SUGCT: variants seen among roughly 807,000 people sequenced by gnomAD.
The protein encoded by SUGCT is succinyl-CoA:glutarate CoA-transferase.
Under a neutral mutation model 55.0 loss-of-function variants are expected in SUGCT, and 41 were observed. The observed-to-expected ratio is 0.74, with a 90% CI of 0.58 to 0.97. The LOEUF is 0.97. Ranked by LOEUF, SUGCT falls within the 50% of genes least tolerant of loss-of-function variation. The pLI is 0.00. For missense variants in SUGCT, 568 were observed against 547.8 expected (o/e 1.04, Z -0.37); for synonymous variants, 187 against 200.4 (o/e 0.93, Z 0.56).
chr7:40,319,508 G>T (rs1002279763), intron 9 of SUGCT, among the ~76,000 whole-genome samples: 6 of 152,086 alleles, frequency 3.9e-5, no homozygotes, highest in African/African-American at 1.4e-4. Flanking sequence ...AGACTCTGAT[G>T]GTCACAGGAG....
chr7:41,017,572 C>T, the SUGCT span, among the ~76,000 whole-genome samples: 2 of 152,142 alleles, frequency 1.3e-5, no homozygotes, highest in Non-Finnish European at 2.9e-5. Context: ...AGATCGAGAC[C>T]ATCCTGGCTA....
At chr7:40,222,578 C>T (rs1052804148) in intron 6 of SUGCT, among the ~76,000 whole-genome samples, 2 of 152,096 alleles carry the variant, frequency 1.3e-5, no homozygotes, top group South Asian at 2.1e-4. Flanking sequence ...ATAGACTGGG[C>T]GCGGTGTAAT....
chr7:40,742,589 G>GC, intron 12 of SUGCT, among the ~76,000 whole-genome samples: 1 of 152,212 alleles, frequency 6.6e-6, no homozygotes, highest in South Asian at 2.1e-4. Context: ...CTTGCCCACT[G>GC]CTCACCTCCT....
chr7:40,487,077 T>C (rs181611461), intron 11 of SUGCT, among the ~76,000 whole-genome samples: 1 of 136,050 alleles, frequency 7.4e-6, no homozygotes, highest in Admixed American at 7.5e-5. Flanking sequence ...ATGATTTCAA[T>C]CTTTTTTTTT....
intron 7 of SUGCT, among the ~76,000 whole-genome samples, chr7:40,261,776 A>C (rs1011490561): frequency 6.6e-6 from 1 of 152,304 alleles, no homozygotes; most frequent in African/African-American, 2.4e-5. Context: ...TCGTGGATAT[A>C]AATGTTGTTT....
chr7:40,799,274 C>A (rs373443743), intron 13 of SUGCT, among the ~76,000 whole-genome samples: 2 of 152,110 alleles, frequency 1.3e-5, no homozygotes, highest in East Asian at 1.9e-4. Flanking sequence ...CTTTCCTTTT[C>A]TTTTTCTTTT....
chr7:41,015,147 A>T, the SUGCT span, among the ~76,000 whole-genome samples: 1 of 152,216 alleles, frequency 6.6e-6, no homozygotes, highest in Non-Finnish European at 1.5e-5. Context: ...AAGAGTCAGA[A>T]CTGAAAAGAG....
chr7:40,596,842 T>G (rs964602487), intron 12 of SUGCT, among the ~76,000 whole-genome samples: 3 of 152,202 alleles, frequency 2.0e-5, no homozygotes, highest in Non-Finnish European at 4.4e-5. Flanking sequence ...TTTTGTACTA[T>G]GCACATTTAT....
the SUGCT span, among the ~76,000 whole-genome samples, chr7:41,017,187 T>C: frequency 6.6e-6 from 1 of 152,132 alleles, no homozygotes. Flanking sequence ...GTCTACAAAC[T>C]TCAGGAATTC....
intron 1 of SUGCT, among the ~76,000 whole-genome samples, chr7:40,137,656 T>C (rs1193371620): frequency 1.3e-5 from 2 of 152,184 alleles, no homozygotes; most frequent in Non-Finnish European, 2.9e-5. Flanking sequence ...TTCTGTCGTA[T>C]AGCAGTATAC....
the SUGCT span, among the ~76,000 whole-genome samples, chr7:40,896,795 A>G: frequency 2.0e-5 from 3 of 152,208 alleles, no homozygotes; most frequent in Non-Finnish European, 4.4e-5. Context: ...AAAGCAATCT[A>G]TAGATTTAAC....
chr7:40,712,332 C>A (rs1334859493), intron 12 of SUGCT, among the ~76,000 whole-genome samples: 5 of 152,136 alleles, frequency 3.3e-5, no homozygotes, highest in African/African-American at 1.2e-4. Context: ...TCTATAAGAA[C>A]AGATTCAGCT....
the SUGCT span, among the ~76,000 whole-genome samples, chr7:40,867,017 G>T: frequency 1.3e-5 from 2 of 151,732 alleles, no homozygotes; most frequent in African/African-American, 4.8e-5. Flanking sequence ...AGGCCCAGAT[G>T]GGGGGAGAAA....
At chr7:40,488,817 T>A (rs1301109731) in intron 11 of SUGCT, among the ~76,000 whole-genome samples, 1 of 152,216 alleles carries the variant, frequency 6.6e-6, no homozygotes, top group East Asian at 1.9e-4. Flanking sequence ...ATGTTTCTGT[T>A]GAGAAATCTT....
intron 7 of SUGCT, among the ~76,000 whole-genome samples, chr7:40,251,946 A>C (rs1341212960): frequency 1.3e-5 from 2 of 152,056 alleles, no homozygotes; most frequent in African/African-American, 2.4e-5. Flanking sequence ...TAAAAAAAAA[A>C]ACAAAGAAAT....
intron 9 of SUGCT, among the ~76,000 whole-genome samples, chr7:40,442,992 G>T (rs1173083751): frequency 6.6e-6 from 1 of 152,108 alleles, no homozygotes; most frequent in Non-Finnish European, 1.5e-5. Flanking sequence ...CTGTCCTTGT[G>T]ATAGTTTGCT....
chr7:40,229,168 CT>C (rs1788564739), intron 6 of SUGCT, among the ~76,000 whole-genome samples: 1 of 152,134 alleles, frequency 6.6e-6, no homozygotes, highest in Non-Finnish European at 1.5e-5. Flanking sequence ...CTCAGTGATA[CT>C]GGGTTAGTCT....
intron 9 of SUGCT, among the ~76,000 whole-genome samples, chr7:40,424,756 C>T (rs1048635476): frequency 6.6e-6 from 1 of 152,100 alleles, no homozygotes; most frequent in African/African-American, 2.4e-5. Context: ...CTTAGGTTCT[C>T]ATCCTGGTTT....
intron 12 of SUGCT, among the ~76,000 whole-genome samples, chr7:40,500,073 G>C (rs1792196600): frequency 6.6e-6 from 1 of 152,266 alleles, no homozygotes; most frequent in Admixed American, 6.5e-5. Flanking sequence ...AAAAGGGAAT[G>C]TGCCATTCTG....
Sources: allele counts gnomAD v4.1 joint callset (sites outside exome capture counted in the v4.1 genomes callset), GRCh38; gene constraint gnomAD v4.1.1; transcripts MANE v1.5; gene names NCBI Gene and HGNC (gene_info 2026-07-23, HGNC 2026-07-21).